SUMF1: variants seen among roughly 807,000 people sequenced by gnomAD.
SUMF1 encodes the protein formylglycine-generating enzyme.
Under a neutral mutation model 47.6 loss-of-function variants are expected in SUMF1, and 48 were observed. That is an observed-to-expected ratio of 1.01 (90% confidence interval 0.80 to 1.28). The LOEUF (loss-of-function observed/expected upper bound fraction) is 1.28. Ranked by LOEUF, SUMF1 falls within the 50% of genes most tolerant of loss-of-function variation. The pLI, the probability that SUMF1 is intolerant of heterozygous loss-of-function variation, is 0.00. For synonymous variants in SUMF1, 230 were observed against 192.1 expected (o/e 1.20, Z -1.63); for missense variants, 571 against 485.4 (o/e 1.18, Z -1.66).
intron 8 of SUMF1, chr3:4,313,653 G>T (rs140605054): frequency 3.7e-6 from 6 of 1,613,910 alleles, no homozygotes; most frequent in Admixed American, 1.7e-5. Flanking sequence ...ACAGTTCTCT[G>T]TACTGCCCCG....
At chr3:4,046,615 C>G (rs1695011669) in intron 9 of SUMF1, among the ~76,000 whole-genome samples, 1 of 152,174 alleles carries the variant, frequency 6.6e-6, no homozygotes, top group African/African-American at 2.4e-5. Flanking sequence ...CCCTTTACCT[C>G]ACTCTTTCCC....
Position 4,313,090 on chromosome 3 carries a change from G to C in SUMF1, c.1014+63240C>G, listed in dbSNP as rs147670471. 98 of 1,613,832 alleles carry C rather than the reference G, an allele frequency of 6.1e-5. No individual in the cohort carries two copies. Among genetic ancestry groups the C allele is most frequent in the Non-Finnish European group, 8.0e-5 (94 of 1,179,954 alleles). On this transcript the variant is annotated intron_variant and NMD_transcript_variant, in intron 8 of 12. Coordinates refer to the SUMF1 transcript ENST00000448413. ...AGGAAAGTATGCAGAGCCTGTTTTT[G>C]AATGCAATGTCCTGTGCCGATGCAG...
chr3:4,422,927 T>G (rs1397817461), intron 3 of SUMF1, among the ~76,000 whole-genome samples: 1 of 147,448 alleles, frequency 6.8e-6, no homozygotes, highest in African/African-American at 2.4e-5. Flanking sequence ...TGAACCCAAT[T>G]TGTAGTCTTT....
At chr3:4,155,749 T>C (rs1694438104) in intron 8 of SUMF1, among the ~76,000 whole-genome samples, 1 of 151,444 alleles carries the variant, frequency 6.6e-6, no homozygotes, top group Non-Finnish European at 1.5e-5. Flanking sequence ...ATATGAACCC[T>C]GTCAGTCCGA....
intron 8 of SUMF1, among the ~76,000 whole-genome samples, chr3:4,088,453 T>C (rs1692717507): frequency 6.6e-6 from 1 of 152,064 alleles, no homozygotes; most frequent in Non-Finnish European, 1.5e-5. Flanking sequence ...GCAAACATCA[T>C]CTTAGCAAGG....
At chr3:4,362,479 G>A (rs1277578013) in intron 8 of SUMF1, among the ~76,000 whole-genome samples, 1 of 152,130 alleles carries the variant, frequency 6.6e-6, no homozygotes, top group African/African-American at 2.4e-5. Context: ...GTACAAAGAT[G>A]TTCAGCATTA....
chr3:4,090,013 A>G (rs148407356), intron 8 of SUMF1, among the ~76,000 whole-genome samples: 38 of 152,262 alleles, frequency 2.5e-4, no homozygotes, highest in African/African-American at 8.4e-4. Context: ...ACTATCTCAA[A>G]TCAACAAACT....
intron 3 of SUMF1, among the ~76,000 whole-genome samples, chr3:4,444,502 G>A (rs1702713500): frequency 6.6e-6 from 1 of 152,132 alleles, no homozygotes; most frequent in Non-Finnish European, 1.5e-5. Context: ...GGAGAAACAG[G>A]AAAAGCATAT....
chr3:4,422,020 T>C (rs1310928944), intron 3 of SUMF1, among the ~76,000 whole-genome samples: 1 of 152,184 alleles, frequency 6.6e-6, no homozygotes, highest in Non-Finnish European at 1.5e-5. Context: ...TCAATCACAA[T>C]TTGATGGGAA....
Position 4,297,298 on chromosome 3 carries a change from G to A in SUMF1, c.1014+79032C>T, listed in dbSNP as rs73806987. ...CAAATTGGACAGAAATCCCCAAAAG[G>A]ATCAATTACCATGCTTCTTTTTAAA... On this transcript the variant is annotated intron_variant and NMD_transcript_variant, in intron 8 of 12. Coordinates refer to the SUMF1 transcript ENST00000448413. Among the ~76,000 whole-genome samples, 1,144 of 152,226 alleles carry A rather than the reference G, an allele frequency of 7.5e-3. 20 individuals are homozygous for A. The highest frequency in any genetic ancestry group is 0.027 in the African/African-American group (1,101 of 41,528).
intron 8 of SUMF1, among the ~76,000 whole-genome samples, chr3:4,251,639 A>C (rs1429913678): frequency 2.0e-5 from 3 of 152,156 alleles, no homozygotes; most frequent in Non-Finnish European, 4.4e-5. Context: ...ATCCTGGTGA[A>C]TATTCAGACA....
intron 9 of SUMF1, among the ~76,000 whole-genome samples, chr3:4,040,081 A>G (rs1694882808): frequency 6.6e-6 from 1 of 152,102 alleles, no homozygotes; most frequent in South Asian, 2.1e-4. Flanking sequence ...TATTTTTACC[A>G]CACACACAAA....
intron 8 of SUMF1, among the ~76,000 whole-genome samples, chr3:4,366,073 T>C (rs1202318488): frequency 6.6e-6 from 1 of 151,850 alleles, no homozygotes; most frequent in African/African-American, 2.4e-5. Flanking sequence ...GTAGAGTTTC[T>C]GCCGAGAGAT....
At chr3:4,325,369 G>C (rs545959510) in intron 8 of SUMF1, among the ~76,000 whole-genome samples, 12 of 151,850 alleles carry the variant, frequency 7.9e-5, no homozygotes, top group Non-Finnish European at 1.6e-4. Context: ...GATAGGGGGA[G>C]AAAGGAAGAA....
chr3:4,110,197 C>G (rs1451227896), intron 8 of SUMF1, among the ~76,000 whole-genome samples: 9 of 152,076 alleles, frequency 5.9e-5, no homozygotes, highest in Admixed American at 2.0e-4. Flanking sequence ...CACTCCAGAC[C>G]CTGTTTGCCT....
intron 8 of SUMF1, among the ~76,000 whole-genome samples, chr3:4,263,168 C>T (rs1361577455): frequency 6.6e-6 from 1 of 152,088 alleles, no homozygotes; most frequent in African/African-American, 2.4e-5. Flanking sequence ...AGAAAATCTC[C>T]AATCTGTAAT....
In SUMF1 at chr3:4,412,196, G is replaced by A. The variant is rs142695696; in HGVS notation, c.841-1218C>T. ...TCCATGCACAGTGACTAAAGACAGT[G>A]AGGGCTTCAATAACAAATAATGAAT... On this transcript the variant is annotated intron_variant, in intron 6 of 8. Coordinates refer to ENST00000272902, the MANE Select transcript of SUMF1 (RefSeq NM_182760.4). Among the ~76,000 whole-genome samples, 132 of 152,310 alleles carry A rather than the reference G, an allele frequency of 8.7e-4. 1 individual carries two copies. Among genetic ancestry groups the A allele is most frequent in the African/African-American group, 3.0e-3 (126 of 41,570 alleles).
At chr3:4,340,678 T>C (rs1302670824) in intron 8 of SUMF1, among the ~76,000 whole-genome samples, 1 of 152,094 alleles carries the variant, frequency 6.6e-6, no homozygotes, top group East Asian at 1.9e-4. Context: ...ATTCAAGGGA[T>C]ATTTAAGAGG....
At chr3:4,144,665 C>CT (rs1172622110) in intron 8 of SUMF1, among the ~76,000 whole-genome samples, 6 of 152,146 alleles carry the variant, frequency 3.9e-5, no homozygotes, top group East Asian at 3.9e-4. Context: ...AAATAACCTG[C>CT]TTTTTTCTGA....
Sources: allele counts gnomAD v4.1 joint callset (sites outside exome capture counted in the v4.1 genomes callset), GRCh38; gene constraint gnomAD v4.1.1; transcripts MANE v1.5; gene names NCBI Gene and HGNC (gene_info 2026-07-23, HGNC 2026-07-21).